The following CTNNA3 variants were observed in gnomAD, a reference collection of about 807,000 sequenced individuals.
CTNNA3 encodes the protein catenin alpha 3, also known as catenin alpha-3.
CTNNA3 carries 76 observed loss-of-function variants against 95.7 expected under a neutral mutation model. That is an observed-to-expected ratio of 0.79 (90% confidence interval 0.66 to 0.96). The LOEUF (loss-of-function observed/expected upper bound fraction) is 0.96, where lower values mean the gene tolerates loss of function less well. Among genes scored for constraint, CTNNA3 ranks in the 40% least tolerant of loss-of-function variants. The pLI, the probability that CTNNA3 is intolerant of heterozygous loss-of-function variation, is 0.00. For missense variants in CTNNA3, 1,191 were observed against 1,089.8 expected (o/e 1.09, Z -1.31); for synonymous variants, 431 against 374.4 (o/e 1.15, Z -1.74).
At chr10:66,808,665 T>C (rs1841754081) in intron 7 of CTNNA3, among the ~76,000 whole-genome samples, 1 of 152,168 alleles carries the variant, frequency 6.6e-6, no homozygotes, top group African/African-American at 2.4e-5. Context: ...TTCTGGTCTG[T>C]CCCACTCAGG....
chr10:67,290,683 G>A (rs1182170113), intron 5 of CTNNA3, among the ~76,000 whole-genome samples: 1 of 152,068 alleles, frequency 6.6e-6, no homozygotes, highest in African/African-American at 2.4e-5. Flanking sequence ...CCAGATCTTT[G>A]ACTCAAAGAT....
chr10:66,766,520 G>T, intron 8 of CTNNA3, 104 bp from the exon 9 acceptor site: 3 of 995,022 alleles, frequency 3.0e-6, no homozygotes, highest in South Asian at 2.0e-5. Context: ...TTTCATTTTT[G>T]CACAATTCCT....
At chr10:67,369,233 G>A (rs754298714) in intron 5 of CTNNA3, among the ~76,000 whole-genome samples, 1 of 152,034 alleles carries the variant, frequency 6.6e-6, no homozygotes, top group Non-Finnish European at 1.5e-5. Flanking sequence ...ATACATAAAC[G>A]AATGCATTCT....
At chr10:67,602,408 T>C (rs1843113568) in intron 3 of CTNNA3, among the ~76,000 whole-genome samples, 1 of 152,204 alleles carries the variant, frequency 6.6e-6, no homozygotes, top group South Asian at 2.1e-4. Context: ...CGATGTGCCA[T>C]TGCATTGCTT....
chr10:67,415,720 G>A (rs765060021), intron 5 of CTNNA3, among the ~76,000 whole-genome samples: 7 of 152,062 alleles, frequency 4.6e-5, no homozygotes, highest in Non-Finnish European at 8.8e-5. Flanking sequence ...AAAAGACAGA[G>A]ACATTACACT....
chr10:67,751,207 A>G (rs1841405169), intron 1 of CTNNA3: 1 of 1,286,840 alleles, frequency 7.8e-7, no homozygotes, highest in Non-Finnish European at 1.1e-6. Context: ...CATTTGGAGG[A>G]CTATCCCTTC....
intron 1 of CTNNA3, among the ~76,000 whole-genome samples, chr10:67,701,332 C>T (rs1841037743): frequency 6.6e-6 from 1 of 151,992 alleles, no homozygotes; most frequent in Non-Finnish European, 1.5e-5. Context: ...GTCAGATTCA[C>T]CAAAGTTGAA....
intron 1 of CTNNA3, among the ~76,000 whole-genome samples, chr10:67,758,321 T>TAC (rs377283050): frequency 3.5e-3 from 276 of 78,168 alleles, no homozygotes; most frequent in South Asian, 0.035. Context: ...TATAAATATA[T>TAC]ATACACACAC....
intron 13 of CTNNA3, among the ~76,000 whole-genome samples, chr10:66,222,578 GAAGGAAAGAA>G (rs2088997311): frequency 7.5e-6 from 1 of 133,016 alleles, no homozygotes; most frequent in Non-Finnish European, 1.6e-5. Flanking sequence ...AGGAAAGAAA[GAAGGAAAGAA>G]AAAGAAAGAA....
intron 9 of CTNNA3, among the ~76,000 whole-genome samples, chr10:66,633,271 T>C (rs1845209394): frequency 6.6e-6 from 1 of 152,138 alleles, no homozygotes; most frequent in Non-Finnish European, 1.5e-5. Context: ...GAGAATAAAT[T>C]ATGTAATATT....
chr10:66,086,577 CAA>C (rs958526274), intron 14 of CTNNA3, among the ~76,000 whole-genome samples: 2 of 151,762 alleles, frequency 1.3e-5, no homozygotes. Flanking sequence ...ACGTTTAAAA[CAA>C]AAAATTTAAA....
At position 66,999,168 on chromosome 10, in the gene CTNNA3, G is replaced by A. The variant is rs188085114; in HGVS notation, c.1047+181149C>T. On this transcript the variant is annotated intron_variant, in intron 7 of 17. Transcript: ENST00000433211. ...CTTTTATTTATCATTTTCAATTGAT[G>A]GTTTGCACTCAAATATTTCATTAAG... Among the ~76,000 whole-genome samples the A allele has an allele frequency of 3.3e-5, 5 of 152,048 alleles. No homozygotes were observed. In the East Asian group the frequency reaches 9.7e-4, roughly 29 times the overall value.
In CTNNA3 at chr10:67,114,278, A is replaced by G. The variant is rs1859059563; in HGVS notation, c.1047+66039T>C. Among the ~76,000 whole-genome samples, 3 of 152,212 alleles carry G rather than the reference A, an allele frequency of 2.0e-5. No individual in the cohort carries two copies. In the South Asian group the frequency reaches 6.2e-4, roughly 32 times the overall value. ...TTAATAAGTTAAAATTTTGGAATATAAGGCCTCTACATTTACATTTTAAAA... is the reference window on the plus strand; with the variant it reads ...TTAATAAGTTAAAATTTTGGAATATGAGGCCTCTACATTTACATTTTAAAA... On this transcript the variant is annotated intron_variant, in intron 7 of 17. Transcript: ENST00000433211.
chr10:66,280,847 C>T (rs2132159993), intron 12 of CTNNA3, among the ~76,000 whole-genome samples: 1 of 151,580 alleles, frequency 6.6e-6, no homozygotes, highest in East Asian at 1.9e-4. Context: ...TTCTAAACCC[C>T]AGGCTTCTGG....
chr10:65,962,262 C>T (rs760357566), intron 17 of CTNNA3, among the ~76,000 whole-genome samples: 1 of 152,092 alleles, frequency 6.6e-6, no homozygotes, highest in African/African-American at 2.4e-5. Flanking sequence ...TCCTTGGATG[C>T]CCCTTGGTCA....
chr10:67,326,684 G>T (rs1329426414), intron 5 of CTNNA3, among the ~76,000 whole-genome samples: 1 of 152,128 alleles, frequency 6.6e-6, no homozygotes, highest in East Asian at 1.9e-4. Context: ...ACCATGGAGA[G>T]AATCTGATTA....
At chr10:66,979,489 G>A (rs1850287380) in intron 7 of CTNNA3, among the ~76,000 whole-genome samples, 1 of 152,122 alleles carries the variant, frequency 6.6e-6, no homozygotes, top group Non-Finnish European at 1.5e-5. Flanking sequence ...TATCACAGAA[G>A]CTGGAAAATT....
chr10:66,385,982 A>G (rs1191884306), intron 11 of CTNNA3, among the ~76,000 whole-genome samples: 1 of 152,200 alleles, frequency 6.6e-6, no homozygotes, highest in Non-Finnish European at 1.5e-5. Context: ...CACAGCCCCC[A>G]ATATCATACT....
intron 5 of CTNNA3, among the ~76,000 whole-genome samples, chr10:67,514,648 A>C (rs1839751612): frequency 6.6e-6 from 1 of 151,692 alleles, no homozygotes; most frequent in South Asian, 2.1e-4. Context: ...TAAGCACCAT[A>C]TTGATGCAAA....
Sources: gnomAD v4.1 joint callset for allele counts (sites outside exome capture counted in the v4.1 genomes callset) on GRCh38, gnomAD v4.1.1 for gene constraint, MANE v1.5 for transcripts, NCBI Gene and HGNC (gene_info 2026-07-23, HGNC 2026-07-21) for gene names.